ERC2: variants seen among roughly 807,000 people sequenced by gnomAD.
ERC2 encodes the protein ERC protein 2.
Under a neutral mutation model 114.8 loss-of-function variants are expected in ERC2, and 42 were observed. The ratio of observed to expected loss-of-function variants is 0.37; its 90% CI spans 0.29 to 0.47. ERC2 has a LOEUF of 0.47. ERC2 is among the 20% of genes least tolerant of loss of function. The pLI, the probability that ERC2 is intolerant of heterozygous loss-of-function variation, is 0.99. For missense variants in ERC2, 939 were observed against 1,150.7 expected (o/e 0.82, Z 2.66); for synonymous variants, 454 against 425.5 (o/e 1.07, Z -0.82).
At chr3:55,860,202 T>C (rs968651181) in intron 14 of ERC2, among the ~76,000 whole-genome samples, 13 of 152,166 alleles carry the variant, frequency 8.5e-5, no homozygotes, top group African/African-American at 3.1e-4. Flanking sequence ...GGACTGACTA[T>C]GGATTTAAGC....
chr3:56,033,610 T>C (rs948602209), intron 7 of ERC2, among the ~76,000 whole-genome samples: 2 of 152,188 alleles, frequency 1.3e-5, no homozygotes, highest in Non-Finnish European at 2.9e-5. Context: ...GAAACTTTTA[T>C]CACTCCTTAA....
At chr3:55,809,430 C>A (rs1248503081) in intron 14 of ERC2, among the ~76,000 whole-genome samples, 1 of 152,062 alleles carries the variant, frequency 6.6e-6, no homozygotes, top group Non-Finnish European at 1.5e-5. Flanking sequence ...AGGAAACAAT[C>A]AACAGAGCGA....
At chr3:56,182,460 GGAT>G (rs947832983) in intron 3 of ERC2, among the ~76,000 whole-genome samples, 7 of 152,316 alleles carry the variant, frequency 4.6e-5, no homozygotes, top group Non-Finnish European at 5.9e-5. Context: ...CTGCTGTGAA[GGAT>G]GATAATAACT....
intron 14 of ERC2, among the ~76,000 whole-genome samples, chr3:55,885,665 A>C (rs555165103): frequency 1.2e-4 from 18 of 152,220 alleles, no homozygotes; most frequent in African/African-American, 4.3e-4. Context: ...AAAAGTTTAT[A>C]TGTTTTAGAA....
chr3:55,785,000 A>G (rs180942181), intron 14 of ERC2, among the ~76,000 whole-genome samples: 146 of 152,322 alleles, frequency 9.6e-4, no homozygotes, highest in Non-Finnish European at 1.9e-3. Flanking sequence ...GATGCATGAT[A>G]GAAAGCCTCA....
At chr3:56,032,850 G>C (rs1012281926) in intron 7 of ERC2, among the ~76,000 whole-genome samples, 2 of 102,224 alleles carry the variant, frequency 2.0e-5, no homozygotes, top group African/African-American at 3.6e-5. Context: ...AAGAACAAAA[G>C]AAAGAAAGGA....
chr3:56,327,222 A>C (rs777582434), intron 2 of ERC2, among the ~76,000 whole-genome samples: 4 of 152,258 alleles, frequency 2.6e-5, no homozygotes, highest in Non-Finnish European at 5.9e-5. Context: ...GAGAAGCCTC[A>C]GGAAACTTAC....
intron 2 of ERC2, among the ~76,000 whole-genome samples, chr3:56,402,777 T>G (rs1409407392): frequency 2.0e-5 from 3 of 152,184 alleles, no homozygotes; most frequent in Non-Finnish European, 4.4e-5. Context: ...TTCTGGGAAT[T>G]GTCTATGCTT....
At chr3:56,424,233 G>A (rs1243089668) in intron 2 of ERC2, among the ~76,000 whole-genome samples, 2 of 152,072 alleles carry the variant, frequency 1.3e-5, no homozygotes, top group Admixed American at 1.3e-4. Context: ...TACCCTTGGC[G>A]CAAGTGAGAC....
chr3:56,333,120 C>T (rs763641013), intron 2 of ERC2, among the ~76,000 whole-genome samples: 7 of 152,182 alleles, frequency 4.6e-5, no homozygotes, highest in South Asian at 2.1e-4. Flanking sequence ...CTGGACACTA[C>T]GGCTAACTGT....
chr3:55,618,101 A>T (rs528315395), intron 17 of ERC2, among the ~76,000 whole-genome samples: 1 of 152,174 alleles, frequency 6.6e-6, no homozygotes, highest in Non-Finnish European at 1.5e-5. Context: ...TTCTGTAAAG[A>T]TATTTTTCAT....
At chr3:55,894,982 C>A (rs2063775371) in intron 13 of ERC2, among the ~76,000 whole-genome samples, 1 of 152,198 alleles carries the variant, frequency 6.6e-6, no homozygotes, top group Admixed American at 6.5e-5. Context: ...TGCACATATA[C>A]CCCTGGACTG....
intron 16 of ERC2, among the ~76,000 whole-genome samples, chr3:55,695,890 G>A (rs1427588099): frequency 6.6e-6 from 1 of 152,098 alleles, no homozygotes; most frequent in Non-Finnish European, 1.5e-5. Context: ...AATTAAATTG[G>A]GGAGCTTTCT....
intron 7 of ERC2, among the ~76,000 whole-genome samples, chr3:56,033,036 G>GAAAGAAAGAA (rs1560058321): frequency 1.4e-5 from 1 of 69,358 alleles, no homozygotes; most frequent in African/African-American, 4.4e-5. Flanking sequence ...GAAACAGAAA[G>GAAAGAAAGAA]AAAGAAAGAA....
intron 13 of ERC2, among the ~76,000 whole-genome samples, chr3:55,893,569 C>T (rs944474557): frequency 8.5e-5 from 13 of 152,264 alleles, no homozygotes; most frequent in African/African-American, 2.9e-4. Context: ...CTCCTATCAC[C>T]TGTCCTCACC....
At chr3:56,416,582 C>G (rs529075531) in intron 2 of ERC2, among the ~76,000 whole-genome samples, 101 of 148,374 alleles carry the variant, frequency 6.8e-4, no homozygotes, top group African/African-American at 2.4e-3. Flanking sequence ...CACAAGAACG[C>G]AAATTCCACC....
At chr3:56,278,769 T>C (rs1352957781) in intron 3 of ERC2, among the ~76,000 whole-genome samples, 1 of 152,148 alleles carries the variant, frequency 6.6e-6, no homozygotes, top group African/African-American at 2.4e-5. Flanking sequence ...GCAGATCACA[T>C]GGTGAGGGAG....
intron 6 of ERC2, among the ~76,000 whole-genome samples, chr3:56,112,984 A>T (rs989652410): frequency 6.6e-6 from 1 of 151,958 alleles, no homozygotes; most frequent in African/African-American, 2.4e-5. Context: ...CAGGCAATAT[A>T]AAAAAAATCA....
At chr3:56,330,330 T>C (rs1455630908) in intron 2 of ERC2, among the ~76,000 whole-genome samples, 1 of 152,206 alleles carries the variant, frequency 6.6e-6, no homozygotes, top group African/African-American at 2.4e-5. Flanking sequence ...TGAGCCACCA[T>C]ACAGGGCCTC....
Sources: gnomAD v4.1 joint callset for allele counts (sites outside exome capture counted in the v4.1 genomes callset) on GRCh38, gnomAD v4.1.1 for gene constraint, MANE v1.5 for transcripts, NCBI Gene and HGNC (gene_info 2026-07-23, HGNC 2026-07-21) for gene names.